The following RHBDD1 variants were observed in gnomAD, a reference collection of about 807,000 sequenced individuals.
RHBDD1 encodes rhomboid-related protein 4.
RHBDD1 carries 38 observed loss-of-function variants against 36.3 expected under a neutral mutation model. That is an observed-to-expected ratio of 1.05 (90% CI 0.81 to 1.37). The LOEUF (loss-of-function observed/expected upper bound fraction) is 1.37, where lower values mean the gene tolerates loss of function less well. Ranked by LOEUF, RHBDD1 falls within the 40% of genes most tolerant of loss-of-function variation. RHBDD1 has a pLI of 0.00. For missense variants in RHBDD1, 393 were observed against 377.6 expected, an observed-to-expected ratio of 1.04 and a Z score of -0.34; for synonymous variants, 151 against 136.5, an observed-to-expected ratio of 1.11 and a Z score of -0.74.
At chr2:226,836,299 T>G (rs1264786359) in intron 1 of RHBDD1, 2 of 152,362 alleles carry the variant, frequency 1.3e-5, no homozygotes, top group Non-Finnish European at 2.9e-5. Flanking sequence ...GGGCGTTTCC[T>G]GGGGTAACTC....
At chr2:226,834,122 T>C (rs1940811120), upstream of RHBDD1, among the ~76,000 whole-genome samples, 1 of 152,222 alleles carries the variant, frequency 6.6e-6, no homozygotes, top group Non-Finnish European at 1.5e-5. Flanking sequence ...CTTCTTGATT[T>C]GTGGCTCCCT....
chr2:226,866,459 G>A (rs1056444754), intron 4 of RHBDD1, among the ~76,000 whole-genome samples: 1 of 152,122 alleles, frequency 6.6e-6, no homozygotes. Context: ...AGATGAGGAA[G>A]CCAAGACCCA....
chr2:226,926,768 A>G (rs1949696487), intron 8 of RHBDD1, among the ~76,000 whole-genome samples: 2 of 152,180 alleles, frequency 1.3e-5, no homozygotes, highest in South Asian at 4.1e-4. Context: ...TTCCACATGA[A>G]GTGATACTAT....
intron 5 of RHBDD1, among the ~76,000 whole-genome samples, chr2:226,899,174 A>G (rs1383192301): frequency 2.6e-5 from 4 of 152,210 alleles, no homozygotes; most frequent in East Asian, 1.9e-4. Flanking sequence ...CAGCGTTACA[A>G]TAGCCTCTTA....
chr2:226,970,542 T>G (rs1953264871), intron 8 of RHBDD1, among the ~76,000 whole-genome samples: 2 of 152,184 alleles, frequency 1.3e-5, no homozygotes, highest in Non-Finnish European at 2.9e-5. Flanking sequence ...CAGCCTTATT[T>G]TTAGGCACTG....
chr2:226,984,318 C>A (rs547564557), intron 8 of RHBDD1, among the ~76,000 whole-genome samples: 2 of 152,322 alleles, frequency 1.3e-5, no homozygotes, highest in South Asian at 4.1e-4. Flanking sequence ...GCTAGAAGTT[C>A]CAGGTACTAA....
At chr2:226,877,003 A>C (rs575400470) in intron 5 of RHBDD1, among the ~76,000 whole-genome samples, 1 of 152,322 alleles carries the variant, frequency 6.6e-6, no homozygotes, top group Admixed American at 6.5e-5. Flanking sequence ...TCCTAGAGCT[A>C]TATCATTTTG....
the RHBDD1 span, among the ~76,000 whole-genome samples, chr2:226,812,210 A>G: frequency 6.6e-6 from 1 of 152,238 alleles, no homozygotes; most frequent in Non-Finnish European, 1.5e-5. Flanking sequence ...ATAGCTTGGG[A>G]TTTCCTGGGG....
At chr2:226,894,501 T>C (rs1273114583) in intron 5 of RHBDD1, among the ~76,000 whole-genome samples, 1 of 152,098 alleles carries the variant, frequency 6.6e-6, no homozygotes, top group Non-Finnish European at 1.5e-5. Flanking sequence ...GATCTCCTGA[T>C]GTCAAGTGAT....
At chr2:226,831,694 A>G (rs1940743957), upstream of RHBDD1, among the ~76,000 whole-genome samples, 1 of 151,458 alleles carries the variant, frequency 6.6e-6, no homozygotes, top group Admixed American at 6.6e-5. Flanking sequence ...TAAGCCACCT[A>G]GTTTATAATA....
chr2:226,983,077 A>G (rs975389082), intron 8 of RHBDD1, among the ~76,000 whole-genome samples: 1 of 152,218 alleles, frequency 6.6e-6, no homozygotes, highest in African/African-American at 2.4e-5. Context: ...GCTAGTGCAA[A>G]TGGTCAAAGG....
chr2:226,960,374 C>G (rs887922889), intron 8 of RHBDD1, among the ~76,000 whole-genome samples: 1 of 152,190 alleles, frequency 6.6e-6, no homozygotes, highest in Non-Finnish European at 1.5e-5. Context: ...TTTGGCATCA[C>G]TTCACATCCA....
intron 5 of RHBDD1, among the ~76,000 whole-genome samples, chr2:226,882,774 A>G (rs922163610): frequency 6.6e-6 from 1 of 152,170 alleles, no homozygotes; most frequent in Admixed American, 6.5e-5. Flanking sequence ...AATAAATACC[A>G]TAGACTGTGT....
chr2:226,819,257 A>T, the RHBDD1 span, among the ~76,000 whole-genome samples: 1 of 152,222 alleles, frequency 6.6e-6, no homozygotes, highest in African/African-American at 2.4e-5. Context: ...AATCTGGGCT[A>T]ATTCATTTAA....
chr2:226,990,267 GCTTTGCAGTT>G (rs1456832431), intron 8 of RHBDD1, among the ~76,000 whole-genome samples: 1 of 152,136 alleles, frequency 6.6e-6, no homozygotes, highest in Non-Finnish European at 1.5e-5. Context: ...CATTTTGGGA[GCTTTGCAGTT>G]CATGGAATGC....
At chr2:226,888,538 T>C (rs557253885) in intron 5 of RHBDD1, among the ~76,000 whole-genome samples, 1 of 152,246 alleles carries the variant, frequency 6.6e-6, no homozygotes, top group South Asian at 2.1e-4. Context: ...GATCAGACTA[T>C]TATGAGTCTT....
intron 8 of RHBDD1, among the ~76,000 whole-genome samples, chr2:226,984,169 G>C (rs1956415444): frequency 6.6e-6 from 1 of 152,258 alleles, no homozygotes; most frequent in Non-Finnish European, 1.5e-5. Context: ...AGCTGTGACA[G>C]CCAGCACCTG....
chr2:226,877,152 C>A (rs150986904), intron 5 of RHBDD1, among the ~76,000 whole-genome samples: 4 of 152,234 alleles, frequency 2.6e-5, no homozygotes, highest in African/African-American at 9.6e-5. Flanking sequence ...AAGATTAGTT[C>A]CAAGGTGGAA....
intron 5 of RHBDD1, among the ~76,000 whole-genome samples, chr2:226,904,663 T>C (rs1224560853): frequency 6.6e-6 from 1 of 152,234 alleles, no homozygotes; most frequent in Non-Finnish European, 1.5e-5. Context: ...TGTTTGTCTC[T>C]TTCTTTCAAG....
Sources: gnomAD v4.1 joint callset for allele counts (sites outside exome capture counted in the v4.1 genomes callset) on GRCh38, gnomAD v4.1.1 for gene constraint, MANE v1.5 for transcripts, NCBI Gene and HGNC (gene_info 2026-07-23, HGNC 2026-07-21) for gene names.